The following NDUFS8 variants were observed in gnomAD, a reference collection of about 807,000 sequenced individuals.
NDUFS8 encodes the protein NADH dehydrogenase [ubiquinone] iron-sulfur protein 8, mitochondrial.
In NDUFS8, 13 loss-of-function variants were observed where a neutral mutation model predicts 25.6. The ratio of observed to expected loss-of-function variants is 0.51; its 90% CI spans 0.33 to 0.81. The LOEUF is 0.81. Among genes scored for constraint, NDUFS8 ranks in the 30% least tolerant of loss-of-function variants. NDUFS8 has a pLI of 0.02. For missense variants in NDUFS8, 257 were observed against 300.9 expected (o/e 0.85, Z 1.08); for synonymous variants, 119 against 119.4 (o/e 1.00, Z 0.02).
At position 68,033,273 on chromosome 11, in the gene NDUFS8, G is replaced by T; in HGVS notation, c.362G>T (p.Cys121Phe). Residue 121 changes from cysteine to phenylalanine, a missense_variant, in exon 5 of 7, where the codon TGC (cysteine) becomes TTC (phenylalanine). Cys to Phe is a radical substitution (Grantham distance 205). Coordinates refer to ENST00000313468, the MANE Select transcript of NDUFS8 (RefSeq NM_002496.4). ...CIACKLCEAI[C>F]PAQAITIEAE... ...GCCTGCAAGCTCTGCGAGGCCATCT[G>T]CCCCGCCCAGGTGAGCCCCTGCCCC... The T allele has an allele frequency of 6.2e-7, 1 of 1,604,736 alleles. No individual in the cohort carries two copies.
intron 5 of NDUFS8, 140 bp from the exon 6 acceptor site, chr11:68,036,113 C>T (rs1438168869): frequency 1.4e-6 from 2 of 1,408,494 alleles, no homozygotes; most frequent in Non-Finnish European, 1.9e-6. Flanking sequence ...TGCAGGGCGG[C>T]CTCTTAGCCG....
At position 68,032,168 on chromosome 11, in the gene NDUFS8, CGCCTATGCTGCTGCGGGCCCTG is replaced by C; in HGVS notation, c.21_42del (p.Met8ArgfsTer25). ...TGCCACCAGATGCGCTGCCTGACCA[CGCCTATGCTGCTGCGGGCCCTG>C]GCCCAGGCTGCACGTGCAGGTAGGA... is the stretch of plus-strand genomic sequence containing the variant. On this transcript the variant is annotated frameshift_variant, in exon 2 of 7. Transcript: ENST00000313468. LOFTEE classifies it high-confidence loss of function. 3 of 1,612,688 alleles carry C rather than the reference CGCCTATGCTGCTGCGGGCCCTG, an allele frequency of 1.9e-6. No individual in the cohort carries two copies. Among genetic ancestry groups the C allele is most frequent in the Non-Finnish European group, 2.5e-6 (3 of 1,180,032 alleles).
chr11:68,033,035 C>T, intron 4 of NDUFS8, 23 bp downstream of exon 4: 1 of 1,613,502 alleles, frequency 6.2e-7, no homozygotes, highest in Non-Finnish European at 8.5e-7. Flanking sequence ...CATGAGGGGA[C>T]AGGGAAGGTG....
intron 1 of NDUFS8, chr11:68,031,029 G>A: frequency 2.9e-6 from 1 of 341,788 alleles, no homozygotes; most frequent in Admixed American, 3.6e-5. Context: ...GCCTGTTAGG[G>A]GGTTCACAGG....
chr11:68,035,667 G>A (rs898300383), intron 5 of NDUFS8: 15 of 455,566 alleles, frequency 3.3e-5, no homozygotes, highest in Non-Finnish European at 6.6e-5. Context: ...ACTGAACAAA[G>A]CGGTGAACAG....
In NDUFS8 at chr11:68,033,245, A is replaced by G. The variant is rs1854808466; in HGVS notation, c.334A>G (p.Ile112Val). Residue 112 changes from isoleucine to valine, a missense_variant, in exon 5 of 7, where the codon ATT becomes GTT. Coordinates refer to ENST00000313468, the MANE Select transcript of NDUFS8 (RefSeq NM_002496.4). Reference protein sequence around the residue: ...RRYPSGEERCIACKLCEAICP... With the variant: ...RRYPSGEERCVACKLCEAICP... Reference sequence around the variant, plus strand: ...GTACCCATCCGGGGAGGAGCGTTGCATTGCCTGCAAGCTCTGCGAGGCCAT... The same window carrying G: ...GTACCCATCCGGGGAGGAGCGTTGCGTTGCCTGCAAGCTCTGCGAGGCCAT... 2.5e-6 allele frequency: 4 copies of G among 1,610,780 alleles called. No individual in the cohort carries two copies. The highest frequency in any genetic ancestry group is 3.4e-6 in the Non-Finnish European group (4 of 1,179,324).
chr11:68,036,017 CAAAA>C (rs56359843), intron 5 of NDUFS8: 343 of 373,586 alleles, frequency 9.2e-4, no homozygotes, highest in Non-Finnish European at 1.1e-3. Context: ...GACTCTATCT[CAAAA>C]AAAAAAAAAA....
intron 3 of NDUFS8, chr11:68,032,602 T>A (rs918034213): frequency 8.0e-7 from 1 of 1,244,988 alleles, no homozygotes; most frequent in Non-Finnish European, 1.1e-6. Flanking sequence ...TACCTGTGCC[T>A]ATTGCCAGTC....
intron 5 of NDUFS8, chr11:68,034,686 T>C (rs1461317182): frequency 1.4e-5 from 2 of 145,230 alleles, no homozygotes; most frequent in African/African-American, 5.2e-5. Flanking sequence ...CGTTGGCAGG[T>C]CCCTGTAATC....
intron 5 of NDUFS8, chr11:68,035,665 A>G (rs1854871286): frequency 6.6e-6 from 3 of 455,574 alleles, no homozygotes; most frequent in South Asian, 4.7e-5. Flanking sequence ...ACACTGAACA[A>G]AGCGGTGAAC....
chr11:68,033,211 G>C lies in NDUFS8; in HGVS notation c.300G>C (p.Ala100=). 6.2e-7 allele frequency: 1 copy of C among 1,612,112 alleles called. No individual in the cohort carries two copies. Among genetic ancestry groups the C allele is most frequent in the Non-Finnish European group, 8.5e-7 (1 of 1,179,612 alleles). The change falls in exon 5 of 7, where the codon GCG becomes GCC. Residue 100 remains alanine, a synonymous_variant. Transcript: ENST00000313468. ...GCCCTCGCTTCCGTGGGGAGCATGC[G>C]CTGCGCCGGTACCCATCCGGGGAGG... ...PLSPRFRGEH[A]LRRYPSGEER...
chr11:68,030,918 G>T (rs78483742), intron 1 of NDUFS8, 185 bp downstream of exon 1: 4 of 446,732 alleles, frequency 9.0e-6, no homozygotes, highest in Admixed American at 4.8e-5. Context: ...TGCGCCGCCC[G>T]CTCTGCGCCA....
At position 68,033,300 on chromosome 11, in the gene NDUFS8, A is replaced by T. The variant is rs765705646; in HGVS notation, c.372+17A>T. On this transcript the variant is annotated intron_variant, in intron 5 of 6. Transcript: ENST00000313468. ...CCCGCCCAGGTGAGCCCCTGCCCCA[A>T]CCGGCCACCACGCCAGCCCCTGCCA... is the stretch of plus-strand genomic sequence containing the variant. The T allele has an allele frequency of 3.8e-6, 6 of 1,593,420 alleles. No individual in the cohort carries two copies. Among genetic ancestry groups the T allele is most frequent in the Admixed American group, 1.7e-5 (1 of 58,644 alleles).
In NDUFS8 at chr11:68,033,148, GGCCACCATC is replaced by G. The variant is rs1565146136; in HGVS notation, c.238_246del (p.Ala80_Ile82del). 6.2e-7 allele frequency: 1 copy of G among 1,612,808 alleles called. No homozygotes were observed. Among genetic ancestry groups the G allele is most frequent in the Admixed American group, 1.7e-5 (1 of 59,958 alleles). Reference sequence around the variant, plus strand: ...CCCTGAGCTACCTGTTCCGGGAACCGGCCACCATCAACTACCCGTTCGAGAAGGGCCCGC... The same window carrying G: ...CCCTGAGCTACCTGTTCCGGGAACCGAACTACCCGTTCGAGAAGGGCCCGC... On this transcript the variant is annotated inframe_deletion, in exon 5 of 7. Transcript: ENST00000313468.
chr11:68,036,072 G>A (rs144212243), intron 5 of NDUFS8, 181 bp from the exon 6 acceptor site: 55 of 823,510 alleles, frequency 6.7e-5, no homozygotes, highest in Non-Finnish European at 8.8e-5. Context: ...AGCAGGGCAC[G>A]TGCTGAGGAG....
At chr11:68,034,495 G>GT (rs1565146742) in intron 5 of NDUFS8, 2 of 152,242 alleles carry the variant, frequency 1.3e-5, no homozygotes, top group East Asian at 1.9e-4. Flanking sequence ...TCACACAGCT[G>GT]TTTTGGTTTT....
chr11:68,032,478 T>C (rs1269023296), intron 3 of NDUFS8, 142 bp downstream of exon 3: 3 of 1,538,374 alleles, frequency 2.0e-6, no homozygotes, highest in South Asian at 2.4e-5. Flanking sequence ...ATTATGGTGA[T>C]GGAGACTGAC....
rs1287890623 is a variant in NDUFS8, at chr11:68,032,202, A to T, written c.51A>T (p.Ala17=). Reference sequence around the variant, plus strand: ...TGCTGCGGGCCCTGGCCCAGGCTGCACGTGCAGGTAGGACCAAAGAAGCCT... The same window carrying T: ...TGCTGCGGGCCCTGGCCCAGGCTGCTCGTGCAGGTAGGACCAAAGAAGCCT... ...PMLLRALAQA[A]RAGPPGGRSL... is the part of the protein sequence containing the mutation. The change falls in exon 2 of 7, where the codon GCA becomes GCT. Residue 17 remains alanine (A), a synonymous_variant. Coordinates refer to ENST00000313468, the MANE Select transcript of NDUFS8 (RefSeq NM_002496.4). 6.2e-7 allele frequency: 1 copy of T among 1,613,378 alleles called. No individual in the cohort carries two copies. The highest frequency in any genetic ancestry group is 8.5e-7 in the Non-Finnish European group (1 of 1,180,032).
intron 5 of NDUFS8, chr11:68,035,485 TA>T (rs1346441702): frequency 2.4e-5 from 6 of 246,758 alleles, no homozygotes; most frequent in African/African-American, 1.2e-4. Context: ...GACCCAGAGA[TA>T]AGAAGCAAGC....
Sources: gnomAD v4.1 joint callset for allele counts on GRCh38, gnomAD v4.1.1 for gene constraint, MANE v1.5 for transcripts, NCBI Gene and HGNC (gene_info 2026-07-23, HGNC 2026-07-21) for gene names.